SNAP91: variants seen among roughly 807,000 people sequenced by gnomAD.
SNAP91 encodes synaptosome associated protein 91.
Under a neutral mutation model 100.3 loss-of-function variants are expected in SNAP91, and 27 were observed. That is an observed-to-expected ratio of 0.27 (90% CI 0.20 to 0.37). SNAP91 has a LOEUF of 0.37. Among genes scored for constraint, SNAP91 ranks in the 10% least tolerant of loss-of-function variants. SNAP91 has a pLI of 1.00. For missense variants in SNAP91, 986 were observed against 1,123.7 expected, an observed-to-expected ratio of 0.88 and a Z score of 1.75; for synonymous variants, 404 against 398.6, an observed-to-expected ratio of 1.01 and a Z score of -0.16.
At chr6:83,665,170 C>CT (rs1042190648) in intron 3 of SNAP91, among the ~76,000 whole-genome samples, 11 of 151,706 alleles carry the variant, frequency 7.3e-5, no homozygotes, top group Admixed American at 2.6e-4. Context: ...GCAATATTAG[C>CT]TTTTTTTTGC....
intron 2 of SNAP91, among the ~76,000 whole-genome samples, chr6:83,684,563 A>G (rs975130463): frequency 6.6e-6 from 1 of 152,266 alleles, no homozygotes; most frequent in African/African-American, 2.4e-5. Context: ...CACACTCTGT[A>G]TACACCTTTA....
chr6:83,561,758 C>A (rs1041057616), intron 26 of SNAP91, among the ~76,000 whole-genome samples: 9 of 152,142 alleles, frequency 5.9e-5, no homozygotes, highest in Non-Finnish European at 1.2e-4. Context: ...GTAATCCCAG[C>A]ATATTAGGAG....
intron 8 of SNAP91, among the ~76,000 whole-genome samples, chr6:83,628,946 T>G (rs1274620774): frequency 6.6e-6 from 1 of 152,184 alleles, no homozygotes; most frequent in African/African-American, 2.4e-5. Flanking sequence ...CCTACGCCAA[T>G]GTCTAGAAGG....
intron 2 of SNAP91, among the ~76,000 whole-genome samples, chr6:83,676,716 G>A (rs2098909301): frequency 6.6e-6 from 1 of 152,166 alleles, no homozygotes; most frequent in African/African-American, 2.4e-5. Context: ...TTGGTCAGGG[G>A]AGTATTGTGA....
intron 8 of SNAP91, among the ~76,000 whole-genome samples, chr6:83,634,582 G>A (rs1184160034): frequency 6.6e-6 from 1 of 152,072 alleles, no homozygotes; most frequent in Non-Finnish European, 1.5e-5. Flanking sequence ...GTTCAAGTTG[G>A]AGCTGCAATC....
intron 26 of SNAP91, among the ~76,000 whole-genome samples, chr6:83,569,685 G>A (rs1803082241): frequency 6.6e-6 from 1 of 152,158 alleles, no homozygotes; most frequent in Non-Finnish European, 1.5e-5. Context: ...TGTGTTGTGG[G>A]AGGGCCTGGT....
At chr6:83,693,879 A>T (rs1234194192) in intron 2 of SNAP91, among the ~76,000 whole-genome samples, 2 of 152,312 alleles carry the variant, frequency 1.3e-5, no homozygotes, top group Admixed American at 1.3e-4. Flanking sequence ...TCCAGCATGG[A>T]TAAATTGCCT....
chr6:83,590,440 T>C lies in SNAP91; in HGVS notation c.2014+771A>G, dbSNP rs184008900. 4.0e-3 allele frequency among the ~76,000 whole-genome samples: 608 copies of C among 152,152 alleles called. 4 individuals carry two copies. Among genetic ancestry groups the C allele is most frequent in the Non-Finnish European group, 6.5e-3 (440 of 67,992 alleles). ...TTCCTTTTATTCTATATATACTACT[T>C]GGGCCACAAGCAGTAATCCAAGGCA... On this transcript the variant is annotated intron_variant, in intron 22 of 29. Transcript: ENST00000369694.
At chr6:83,630,780 A>G (rs1198376569) in intron 8 of SNAP91, among the ~76,000 whole-genome samples, 2 of 151,628 alleles carry the variant, frequency 1.3e-5, no homozygotes, top group African/African-American at 4.8e-5. Flanking sequence ...TATCTTAAAA[A>G]AAAAAAACAG....
intron 2 of SNAP91, among the ~76,000 whole-genome samples, chr6:83,703,221 C>T (rs572647512): frequency 2.7e-5 from 4 of 149,574 alleles, no homozygotes; most frequent in South Asian, 2.1e-4. Flanking sequence ...AATATATTTA[C>T]AGCAAGTTAG....
At chr6:83,611,139 G>C (rs1420024512) in intron 11 of SNAP91, among the ~76,000 whole-genome samples, 1 of 152,022 alleles carries the variant, frequency 6.6e-6, no homozygotes, top group African/African-American at 2.4e-5. Context: ...ACACTGTGAA[G>C]ATCCCTACAG....
At chr6:83,669,179 G>A (rs532422741) in intron 2 of SNAP91, among the ~76,000 whole-genome samples, 1 of 152,156 alleles carries the variant, frequency 6.6e-6, no homozygotes, top group South Asian at 2.1e-4. Flanking sequence ...TGTATACCTA[G>A]AAAGAGAATT....
chr6:83,694,799 A>C lies in SNAP91; in HGVS notation c.130+12999T>G, dbSNP rs140075785. ...CCTGCCTTTTCCTCATATTGGTTAC[A>C]AGGGCCAAAATGCTTCTCTTTTTGC... On this transcript the variant is annotated intron_variant, in intron 2 of 29. Coordinates refer to ENST00000369694, the MANE Select transcript of SNAP91 (RefSeq NM_001242792.2). Among the ~76,000 whole-genome samples the C allele has an allele frequency of 5.3e-5, 8 of 152,274 alleles. No homozygotes were observed. In the East Asian group the frequency reaches 1.4e-3, roughly 26 times the overall value.
intron 8 of SNAP91, among the ~76,000 whole-genome samples, chr6:83,634,221 C>T (rs545678555): frequency 3.9e-5 from 6 of 152,184 alleles, no homozygotes; most frequent in African/African-American, 7.2e-5. Context: ...CAGGCAAAAA[C>T]GGCTTGCTAG....
chr6:83,602,831 A>G (rs1225743887), intron 14 of SNAP91, among the ~76,000 whole-genome samples: 4 of 151,990 alleles, frequency 2.6e-5, no homozygotes, highest in Non-Finnish European at 5.9e-5. Flanking sequence ...ACTAATTATA[A>G]AAACGTACTC....
intron 17 of SNAP91, 98 bp downstream of exon 17, chr6:83,594,275 GA>G (rs1438160068): frequency 1.1e-6 from 1 of 892,308 alleles, no homozygotes; most frequent in Non-Finnish European, 1.8e-6. Flanking sequence ...TTTACACTCA[GA>G]AGAAAGTAAA....
chr6:83,643,967 G>A (rs59214882), intron 7 of SNAP91, among the ~76,000 whole-genome samples: 6,300 of 152,176 alleles, frequency 0.041, 423 homozygotes, highest in African/African-American at 0.14. Flanking sequence ...GCTATAAGAC[G>A]AAAGTCTTTT....
Position 83,594,440 on chromosome 6 carries a change from C to G in SNAP91, c.1366G>C (p.Glu456Gln). ...ASPGEAPAAS[E>Q]GAAAPATPTP... ...GGGGTAGCTGGTGCGGCGGCCCCTT[C>G]GGATGCTGCAGGGGCCTCCCCAGGA... The change falls in exon 17 of 30, where the codon GAA becomes CAA. Residue 456 changes from glutamate (E) to glutamine (Q), a missense_variant. Physicochemically the swap from Glu to Gln is conservative, Grantham distance 29. Transcript: ENST00000369694. 1 of 1,551,270 alleles carries G rather than the reference C, an allele frequency of 6.4e-7. No homozygotes were observed. Among genetic ancestry groups the G allele is most frequent in the Non-Finnish European group, 8.7e-7 (1 of 1,147,008 alleles).
intron 7 of SNAP91, among the ~76,000 whole-genome samples, chr6:83,654,543 TG>T (rs2098335532): frequency 6.6e-6 from 1 of 152,158 alleles, no homozygotes. Flanking sequence ...GGAGGCTTTA[TG>T]GGGATTAAGT....
Sources: allele counts gnomAD v4.1 joint callset (sites outside exome capture counted in the v4.1 genomes callset), GRCh38; gene constraint gnomAD v4.1.1; transcripts MANE v1.5; gene names NCBI Gene and HGNC (gene_info 2026-07-23, HGNC 2026-07-21).